The following DMD variants were observed in gnomAD, a reference collection of about 807,000 sequenced individuals.
DMD encodes dystrophin.
A neutral mutation model predicts 330.1 loss-of-function variants in DMD; 63 were observed. The ratio of observed to expected loss-of-function variants is 0.19; its 90% CI spans 0.16 to 0.24. The LOEUF (loss-of-function observed/expected upper bound fraction) is 0.24. Among genes scored for constraint, DMD ranks in the 10% least tolerant of loss-of-function variants. The pLI is 1.00. For missense variants in DMD, 3,344 were observed against 2,684.1 expected (o/e 1.25, Z -5.43); for synonymous variants, 1,223 against 959.8 (o/e 1.27, Z -5.07).
chrX:32,985,424 A>G (rs1242381539), intron 2 of DMD, among the ~76,000 whole-genome samples: 1 of 111,894 alleles, frequency 8.9e-6, no homozygotes, highest in Non-Finnish European at 1.9e-5. Context: ...GATTAAAACC[A>G]CAAATTGCTA....
rs1279374247 is a variant in DMD, at chrX:32,348,526, G to A, written c.5328C>T (p.Ala1776=). 3 of 1,195,086 alleles carry A rather than the reference G, an allele frequency of 2.5e-6. No homozygotes were observed. Among genetic ancestry groups the A allele is most frequent in the African/African-American group, 1.8e-5 (1 of 56,475 alleles). Residue 1776 remains alanine (A), a splice_region_variant and synonymous_variant, in exon 38 of 79, where the codon GCC becomes GCT. Coordinates refer to ENST00000357033, the MANE Select transcript of DMD (RefSeq NM_004006.3). ...AISHRIKTGK[A]SIPLKELEQF... ...GCTCCAATTCCTTCAAAGGAATGGA[G>A]GCCTAAAAAAAAAGATAGTGCTACT...
intron 78 of DMD, among the ~76,000 whole-genome samples, chrX:31,123,193 A>G: frequency 8.9e-6 from 1 of 111,733 alleles, no homozygotes; most frequent in Non-Finnish European, 1.9e-5. Context: ...GCACTTAAAC[A>G]GTGATGGCAC....
chrX:32,809,847 G>A (rs949838395), intron 6 of DMD, among the ~76,000 whole-genome samples: 10 of 101,889 alleles, frequency 9.8e-5, no homozygotes, highest in Non-Finnish European at 2.0e-4. Flanking sequence ...TTTGGGAGAC[G>A]GAGGTGGGCA....
chrX:32,407,513 A>T lies in DMD; in HGVS notation c.4233+4239T>A, dbSNP rs753163794. On this transcript the variant is annotated intron_variant, in intron 30 of 78. Coordinates refer to ENST00000357033, the MANE Select transcript of DMD (RefSeq NM_004006.3). ...GATGTGGAGAAATAGGAACACTTTT[A>T]CACTGTTGGTGGGACTGTAAACTAG... is the stretch of plus-strand genomic sequence containing the variant. Among the ~76,000 whole-genome samples the T allele has an allele frequency of 4.5e-5, 5 of 111,237 alleles. No homozygotes were observed. The East Asian group carries it at 1.4e-3, about 32-fold the overall frequency.
chrX:32,968,278 A>T (rs1477081335), intron 2 of DMD, among the ~76,000 whole-genome samples: 1 of 110,338 alleles, frequency 9.1e-6, no homozygotes, highest in Admixed American at 9.8e-5. Flanking sequence ...CAGTGATTTA[A>T]CACCACTGAA....
chrX:31,266,741 G>GC, intron 62 of DMD: 3 of 1,064,996 alleles, frequency 2.8e-6, no homozygotes, highest in Non-Finnish European at 3.9e-6. Flanking sequence ...GCCTCAGCTT[G>GC]CCCCCTGCTC....
At chrX:32,626,160 T>C (rs1333665984) in intron 11 of DMD, among the ~76,000 whole-genome samples, 1 of 112,119 alleles carries the variant, frequency 8.9e-6, no homozygotes, top group Non-Finnish European at 1.9e-5. Flanking sequence ...TTGGAATTGA[T>C]TTATTTACTT....
At chrX:33,217,064 A>C (rs2052070702) in intron 1 of DMD, among the ~76,000 whole-genome samples, 1 of 111,781 alleles carries the variant, frequency 8.9e-6, no homozygotes, top group African/African-American at 3.2e-5. Context: ...TACTTATATA[A>C]AATTCACAAA....
chrX:32,123,236 T>TATATATAC (rs1450098082), intron 44 of DMD, among the ~76,000 whole-genome samples: 4 of 87,157 alleles, frequency 4.6e-5, no homozygotes, highest in African/African-American at 1.7e-4. Flanking sequence ...TATATATATA[T>TATATATAC]ATATATAAAT....
intron 1 of DMD, among the ~76,000 whole-genome samples, chrX:33,290,397 G>A (rs73623940): frequency 3.6e-5 from 4 of 111,038 alleles, no homozygotes; most frequent in South Asian, 7.6e-4. Flanking sequence ...ATGTTATTCC[G>A]TTTGACTAAA....
At chrX:33,289,341 T>C (rs925772622) in intron 1 of DMD, among the ~76,000 whole-genome samples, 1 of 111,256 alleles carries the variant, frequency 9.0e-6, no homozygotes, top group African/African-American at 3.3e-5. Flanking sequence ...TTTGAGTCAT[T>C]TTTTCAATCC....
At chrX:32,827,641 GTTC>G (rs902020561) in intron 4 of DMD, among the ~76,000 whole-genome samples, 3 of 97,639 alleles carry the variant, frequency 3.1e-5, no homozygotes, top group African/African-American at 3.8e-5. Flanking sequence ...ATATCCATGT[GTTC>G]TTGTTATTAA....
At position 32,435,091 on chromosome X, in the gene DMD, G is replaced by C. The variant is rs766571078; in HGVS notation, c.4071+3150C>G. On this transcript the variant is annotated intron_variant, in intron 29 of 78. Coordinates refer to ENST00000357033, the MANE Select transcript of DMD (RefSeq NM_004006.3). ...AGAGCTTCTGATTTTAAGACTTAGA[G>C]GGTGATAAAAATCCTTTTTATCTGT... Among the ~76,000 whole-genome samples the C allele has an allele frequency of 1.6e-4, 17 of 107,999 alleles. No homozygotes were observed. In the South Asian group the frequency reaches 2.9e-3, roughly 18 times the overall value. 93.8% of individuals were successfully genotyped at this position (107,999 alleles called of 115,157 possible).
intron 55 of DMD, among the ~76,000 whole-genome samples, chrX:31,517,542 T>G (rs184934124): frequency 3.3e-4 from 37 of 111,393 alleles, no homozygotes; most frequent in Admixed American, 2.6e-3. Flanking sequence ...TGTAGCTTCT[T>G]GTGTAAAGGT....
chrX:33,126,312 AGATT>A (rs2095464476), intron 1 of DMD, among the ~76,000 whole-genome samples: 1 of 112,346 alleles, frequency 8.9e-6, no homozygotes, highest in Admixed American at 9.5e-5. Context: ...ACAGGTAACT[AGATT>A]AAGAACAATT....
chrX:32,421,183 G>A (rs60403469), intron 29 of DMD, among the ~76,000 whole-genome samples: 15,425 of 111,781 alleles, frequency 0.14, 885 homozygotes, highest in African/African-American at 0.2. Context: ...GATGTGCAAG[G>A]CACAGTATGC....
chrX:32,349,453 G>A (rs1157831895), intron 37 of DMD, among the ~76,000 whole-genome samples: 1 of 111,035 alleles, frequency 9.0e-6, no homozygotes, highest in East Asian at 2.8e-4. Context: ...TTCTTTCAGA[G>A]CTAAAACATT....
chrX:33,015,498 A>G (rs1277879621), intron 2 of DMD, among the ~76,000 whole-genome samples: 2 of 110,702 alleles, frequency 1.8e-5, no homozygotes, highest in Non-Finnish European at 3.8e-5. Context: ...AACAACACAC[A>G]CTGGAGCTTA....
At chrX:31,175,748 G>C (rs940095936) in intron 71 of DMD, among the ~76,000 whole-genome samples, 22 of 110,830 alleles carry the variant, frequency 2.0e-4, no homozygotes, top group Non-Finnish European at 3.6e-4. Context: ...TGACCTACTT[G>C]GTCAATTCCA....
Sources: allele counts gnomAD v4.1 joint callset (sites outside exome capture counted in the v4.1 genomes callset), GRCh38; gene constraint gnomAD v4.1.1; transcripts MANE v1.5; gene names NCBI Gene and HGNC (gene_info 2026-07-23, HGNC 2026-07-21).